Variants in TTI2 observed in about 807,000 individuals in gnomAD.
TTI2 encodes the protein TELO2-interacting protein 2.
A neutral mutation model predicts 44.9 loss-of-function variants in TTI2; 26 were observed. The observed-to-expected ratio is 0.58, with a 90% CI of 0.42 to 0.80. The LOEUF (loss-of-function observed/expected upper bound fraction) is 0.80, where lower values mean the gene tolerates loss of function less well. TTI2 is among the 30% of genes least tolerant of loss of function. The probability of loss-of-function intolerance (pLI) is 0.00; values close to 1 mark genes in which losing one functional copy is unlikely to be tolerated. For synonymous variants in TTI2, 254 were observed against 250.9 expected, an observed-to-expected ratio of 1.01 and a Z score of -0.12; for missense variants, 582 against 611.6, an observed-to-expected ratio of 0.95 and a Z score of 0.51.
At chr8:33,509,991 A>C in intron 2 of TTI2, 59 bp from the exon 3 acceptor site, 1 of 1,359,516 alleles carries the variant, frequency 7.4e-7, no homozygotes. Flanking sequence ...AAAAAAAAAA[A>C]AAAAAAAACT....
At chr8:33,500,606 C>A in intron 6 of TTI2, 116 bp from the exon 7 acceptor site, 7 of 1,296,660 alleles carry the variant, frequency 5.4e-6, no homozygotes, top group Non-Finnish European at 7.4e-6. Flanking sequence ...GAACTTAGGT[C>A]AAAGTTAAAT....
In TTI2 at chr8:33,498,787, A is replaced by T. The variant is rs769868219; in HGVS notation, c.*386T>A. On this transcript the variant is annotated 3_prime_UTR_variant, in exon 8 of 8. Transcript: ENST00000431156. ...ATTTATGCCACGTCAGTGGGGCAAG[A>T]AATCTGGAGTGAGTGAAGAAAGCTA... 1.5e-6 allele frequency: 1 copy of T among 674,878 alleles called. No individual in the cohort carries two copies. 41.8% of individuals were successfully genotyped at this position (674,878 alleles called of 1,614,324 possible).
rs752532959 is a variant in TTI2, at chr8:33,509,881, C to T, written c.699G>A (p.Leu233=). The T allele has an allele frequency of 1.1e-5, 17 of 1,609,748 alleles. No individual in the cohort carries two copies. The highest frequency in any genetic ancestry group is 1.4e-5 in the Non-Finnish European group (16 of 1,178,472). ...TCAGCCAGGGCCGAGTGACCTGTTG[C>T]AGAGTCCATGAGAAAACATGTTTGA... ...PAIKHVFSWT[L]QQVTRPWLSQ... The change falls in exon 3 of 8, where the codon CTG becomes CTA. Residue 233 remains leucine (L), a synonymous_variant. Transcript: ENST00000431156.
At chr8:33,512,769 C>T (rs1585337230) in intron 1 of TTI2, 57 bp from the exon 2 acceptor site, 3 of 848,406 alleles carry the variant, frequency 3.5e-6, no homozygotes, top group East Asian at 2.7e-5. Flanking sequence ...CGAGTCTGAC[C>T]GGGATAAGAA....
intron 2 of TTI2, among the ~76,000 whole-genome samples, chr8:33,510,212 A>T (rs1220327970): frequency 2.0e-5 from 3 of 152,140 alleles, no homozygotes; most frequent in Non-Finnish European, 4.4e-5. Context: ...ACTTATGGTG[A>T]TGGATGGTGA....
chr8:33,506,446 C>T (rs536910736), intron 4 of TTI2, among the ~76,000 whole-genome samples: 1 of 139,184 alleles, frequency 7.2e-6, no homozygotes, highest in South Asian at 2.3e-4. Context: ...GGCTGGAGTG[C>T]TGTGGCATGA....
chr8:33,509,976 T>C (rs769877444), intron 2 of TTI2, 44 bp from the exon 3 acceptor site: 1 of 661,776 alleles, frequency 1.5e-6, no homozygotes, highest in Non-Finnish European at 2.1e-6. Flanking sequence ...TGGTGATAAG[T>C]AGCAAAAAAA....
intron 7 of TTI2, 27 bp downstream of exon 7, chr8:33,500,301 C>G: frequency 1.9e-6 from 3 of 1,613,846 alleles, no homozygotes; most frequent in African/African-American, 1.3e-5. Flanking sequence ...TGAGGCCCAA[C>G]TGAAACCAAG....
chr8:33,511,513 G>A (rs1809526563), intron 2 of TTI2, among the ~76,000 whole-genome samples: 1 of 152,096 alleles, frequency 6.6e-6, no homozygotes, highest in Non-Finnish European at 1.5e-5. Context: ...CAACGTTTCT[G>A]GGCCTTAAGA....
At chr8:33,506,065 G>A (rs765345766) in intron 4 of TTI2, among the ~76,000 whole-genome samples, 4 of 152,232 alleles carry the variant, frequency 2.6e-5, no homozygotes, top group East Asian at 1.9e-4. Flanking sequence ...GATTACAGGC[G>A]TGAGCCCTCG....
chr8:33,502,022 CA>C, intron 6 of TTI2, among the ~76,000 whole-genome samples: 1 of 152,304 alleles, frequency 6.6e-6, no homozygotes, highest in African/African-American at 2.4e-5. Context: ...CACCTCACTG[CA>C]ACCTCTGCCT....
chr8:33,506,792 A>C (rs1157845636), intron 4 of TTI2, among the ~76,000 whole-genome samples: 2 of 152,066 alleles, frequency 1.3e-5, no homozygotes, highest in African/African-American at 2.4e-5. Flanking sequence ...ACCCGGGTTC[A>C]AATGATTCTT....
chr8:33,512,714 T>G lies in TTI2; in HGVS notation c.-99-2A>C. On this transcript the variant is annotated splice_acceptor_variant, in intron 1 of 7. Transcript: ENST00000431156. LOFTEE classifies it low-confidence loss of function (5UTR_SPLICE). ...GAAGGAGCGATCACCCAAAGAGAAC[T>G]AAAATCAAATAAAATAAAACAGAGA... 2 of 1,284,784 alleles carry G rather than the reference T, an allele frequency of 1.6e-6. No individual in the cohort carries two copies. The highest frequency in any genetic ancestry group is 3.0e-5 in the African/African-American group (2 of 66,804). 79.6% of individuals were successfully genotyped at this position (1,284,784 alleles called of 1,614,324 possible). A position where few individuals can be genotyped will look rare whatever the true frequency, so the allele number is the denominator to read the frequency against.
At position 33,503,505 on chromosome 8, in the gene TTI2, A is replaced by T. The variant is rs1241376009; in HGVS notation, c.1183T>A (p.Tyr395Asn). Residue 395 changes from tyrosine (Y) to asparagine (N), a missense_variant, in exon 6 of 8, where the codon TAT becomes AAT. Coordinates refer to ENST00000431156, the MANE Select transcript of TTI2 (RefSeq NM_001102401.4). ...CTAGCTTCCTCCTCAGGTCCATCATAAACCTCCAGATAACCAATGATGACT... is the reference window on the plus strand; with the variant it reads ...CTAGCTTCCTCCTCAGGTCCATCATTAACCTCCAGATAACCAATGATGACT... ...ERVIIGYLEV[Y>N]DGPEEEARLK... 3 of 1,614,100 alleles carry T rather than the reference A, an allele frequency of 1.9e-6. No individual in the cohort carries two copies. The East Asian group carries it at 6.7e-5, about 36-fold the overall frequency.
At chr8:33,505,268 AG>A (rs1427571858) in intron 4 of TTI2, among the ~76,000 whole-genome samples, 2 of 151,986 alleles carry the variant, frequency 1.3e-5, no homozygotes, top group Non-Finnish European at 2.9e-5. Context: ...CAGGGTGGGG[AG>A]GGGGAAAGGA....
chr8:33,509,911 A>C lies in TTI2; in HGVS notation c.669T>G (p.Pro223=), dbSNP rs778496932. The change falls in exon 3 of 8, where the codon CCT becomes CCG. Residue 223 remains proline, a synonymous_variant. Transcript: ENST00000431156. ...TCCATGAGAAAACATGTTTGATGGC[A>C]GGGTTATTCTTCCAGGATTCCCTAA... ...DLYKESWKNN[P]AIKHVFSWTL... 3.9e-6 allele frequency: 6 copies of C among 1,555,420 alleles called. No homozygotes were observed. The highest frequency in any genetic ancestry group is 5.2e-6 in the Non-Finnish European group (6 of 1,145,196).
At chr8:33,508,181 T>TC (rs894936171) in intron 3 of TTI2, among the ~76,000 whole-genome samples, 9 of 148,658 alleles carry the variant, frequency 6.1e-5, no homozygotes, top group African/African-American at 2.2e-4. Context: ...GGCCACTTCT[T>TC]CAGAATACTC....
In TTI2 at chr8:33,512,099, G is replaced by A. The variant is rs965731804; in HGVS notation, c.515C>T (p.Ala172Val). 6.2e-6 allele frequency: 10 copies of A among 1,613,970 alleles called. No individual in the cohort carries two copies. The Admixed American group carries it at 8.3e-5, about 13-fold the overall frequency. Residue 172 changes from alanine to valine, a missense_variant, in exon 2 of 8, where the codon GCT (alanine) becomes GTT (valine). Ala to Val is a moderately conservative substitution (Grantham distance 64). Coordinates refer to ENST00000431156, the MANE Select transcript of TTI2 (RefSeq NM_001102401.4). ...PWTTPRSREV[A>V]REVLTSLLQV... ...AAGCAGTGAGGTGAGCACCTCCCTA[G>A]CAACTTCCCGAGATCTCGGAGTGGT... is the stretch of plus-strand genomic sequence containing the variant.
At chr8:33,501,512 T>C (rs1018078811) in intron 6 of TTI2, among the ~76,000 whole-genome samples, 105 of 152,322 alleles carry the variant, frequency 6.9e-4, no homozygotes, top group African/African-American at 2.5e-3. Context: ...TATTCATCCA[T>C]TGATTCATTC....
Sources: gnomAD v4.1 joint callset for allele counts (sites outside exome capture counted in the v4.1 genomes callset) on GRCh38, gnomAD v4.1.1 for gene constraint, MANE v1.5 for transcripts, NCBI Gene and HGNC (gene_info 2026-07-23, HGNC 2026-07-21) for gene names.